The following HMCN1 variants were observed in gnomAD, a reference collection of about 807,000 sequenced individuals.
HMCN1 encodes hemicentin 1.
In HMCN1, 321 loss-of-function variants were observed where a neutral mutation model predicts 625.9. The observed-to-expected ratio is 0.51, with a 90% CI of 0.47 to 0.56. The LOEUF (loss-of-function observed/expected upper bound fraction) is 0.56, where lower values mean the gene tolerates loss of function less well. Ranked by LOEUF, HMCN1 falls within the 20% of genes least tolerant of loss-of-function variation. The probability of loss-of-function intolerance (pLI) is 0.00; values close to 1 mark genes in which losing one functional copy is unlikely to be tolerated. For synonymous variants in HMCN1, 2,425 were observed against 2,417.6 expected (o/e 1.00, Z -0.09); for missense variants, 6,588 against 6,887.3 (o/e 0.96, Z 1.54).
At chr1:185,793,259 A>G (rs1330086948) in intron 1 of HMCN1, among the ~76,000 whole-genome samples, 1 of 152,164 alleles carries the variant, frequency 6.6e-6, no homozygotes, top group East Asian at 1.9e-4. Context: ...AAAGTACCAA[A>G]AGGGATGCTT....
chr1:186,051,644 GA>G (rs1656959709), intron 42 of HMCN1, among the ~76,000 whole-genome samples: 1 of 152,068 alleles, frequency 6.6e-6, no homozygotes, highest in Admixed American at 6.6e-5. Flanking sequence ...GTGACAAACA[GA>G]GTAAACTGTA....
rs189365004 is a variant in HMCN1, at chr1:185,856,762, G to A, written c.340-7708G>A. The stretch of plus-strand genomic sequence containing the variant: ...TTCAATTTTTATTGCTTAGACTTAG[G>A]CATCTGGAAAACAACTGATATAAAA... On this transcript the variant is annotated intron_variant, in intron 2 of 106. Coordinates refer to ENST00000271588, the MANE Select transcript of HMCN1 (RefSeq NM_031935.3). Among the ~76,000 whole-genome samples the A allele has an allele frequency of 1.5e-4, 23 of 152,222 alleles. No homozygotes were observed. The East Asian group carries it at 2.5e-3, about 17-fold the overall frequency.
chr1:185,901,027 C>T (rs946170159), intron 4 of HMCN1, among the ~76,000 whole-genome samples: 1 of 151,888 alleles, frequency 6.6e-6, no homozygotes, highest in Non-Finnish European at 1.5e-5. Context: ...TCAACCAGCA[C>T]TTCTATTGGG....
intron 30 of HMCN1, among the ~76,000 whole-genome samples, chr1:186,014,537 T>C (rs1162101816): frequency 6.6e-6 from 1 of 151,954 alleles, no homozygotes; most frequent in East Asian, 1.9e-4. Flanking sequence ...GTGACTTGAG[T>C]TGTTTTCCTA....
chr1:186,045,511 A>G (rs1246157831), intron 40 of HMCN1, among the ~76,000 whole-genome samples, 177 bp from the exon 41 acceptor site: 2 of 152,198 alleles, frequency 1.3e-5, no homozygotes, highest in African/African-American at 2.4e-5. Flanking sequence ...ACGAGAATAC[A>G]TTAATTAGTG....
intron 6 of HMCN1, among the ~76,000 whole-genome samples, chr1:185,916,739 A>G (rs1666722834): frequency 1.3e-5 from 2 of 152,184 alleles, no homozygotes; most frequent in South Asian, 4.1e-4. Flanking sequence ...ATTTAGTGCT[A>G]GGAGGAATTC....
intron 4 of HMCN1, among the ~76,000 whole-genome samples, chr1:185,907,109 G>T (rs950587809): frequency 9.2e-5 from 14 of 151,680 alleles, no homozygotes; most frequent in African/African-American, 3.1e-4. Context: ...GATTTGATAA[G>T]CCGAGTGATC....
intron 71 of HMCN1, among the ~76,000 whole-genome samples, chr1:186,110,106 A>G (rs966519804): frequency 5.3e-5 from 8 of 152,222 alleles, no homozygotes; most frequent in Non-Finnish European, 1.2e-4. Context: ...GTATTTTCCA[A>G]GAAGAGATTG....
At chr1:185,789,218 G>A (rs536144450) in intron 1 of HMCN1, among the ~76,000 whole-genome samples, 10 of 152,306 alleles carry the variant, frequency 6.6e-5, no homozygotes, top group Non-Finnish European at 1.3e-4. Flanking sequence ...TGGCAGTTGG[G>A]TGAATGGATT....
intron 36 of HMCN1, among the ~76,000 whole-genome samples, chr1:186,024,036 G>T (rs764839810): frequency 6.6e-6 from 1 of 152,124 alleles, no homozygotes; most frequent in Non-Finnish European, 1.5e-5. Context: ...TGGTTAAAAA[G>T]ATTCAAATCA....
Position 185,994,849 on chromosome 1 carries a change from C to G in HMCN1, c.3540C>G (p.Leu1180=). The G allele has an allele frequency of 6.2e-7, 1 of 1,613,638 alleles. No individual in the cohort carries two copies. The highest frequency in any genetic ancestry group is 8.5e-7 in the Non-Finnish European group (1 of 1,179,654). Residue 1180 remains leucine, a synonymous_variant, in exon 24 of 107, where the codon CTC becomes CTG. Transcript: ENST00000271588. ...AGATACAGCGTGGACCTAAACATCT[C>G]AAAGTCCAAGTTGGTCAAAGAGTGG... ...PPKIQRGPKH[L]KVQVGQRVDI... is the part of the protein sequence containing the mutation.
chr1:186,024,511 G>A (rs1654932652), intron 36 of HMCN1, among the ~76,000 whole-genome samples: 1 of 152,132 alleles, frequency 6.6e-6, no homozygotes, highest in Admixed American at 6.6e-5. Context: ...TACTGGCTAA[G>A]AGGAAACAGT....
chr1:185,857,376 G>A (rs531662453), intron 2 of HMCN1, among the ~76,000 whole-genome samples: 32 of 152,170 alleles, frequency 2.1e-4, no homozygotes, highest in African/African-American at 7.7e-4. Context: ...TAAAAGCACA[G>A]GTTAACAAAC....
chr1:185,976,514 C>T (rs1039610998), intron 15 of HMCN1, among the ~76,000 whole-genome samples: 5 of 152,100 alleles, frequency 3.3e-5, no homozygotes, highest in African/African-American at 1.2e-4. Context: ...ATTTATGAGC[C>T]TGCTAACTAG....
At chr1:186,176,913 A>T (rs1429390028) in intron 103 of HMCN1, 5 of 152,890 alleles carry the variant, frequency 3.3e-5, no homozygotes, top group Non-Finnish European at 5.8e-5. Flanking sequence ...TCACGCCTGT[A>T]ATCCCAGCAC....
At chr1:185,891,902 C>A (rs139026516) in intron 4 of HMCN1, among the ~76,000 whole-genome samples, 2 of 143,200 alleles carry the variant, frequency 1.4e-5, no homozygotes, top group Non-Finnish European at 2.9e-5. Flanking sequence ...ACCCTGCAGA[C>A]TGTTTTCCAA....
chr1:185,949,433 A>C (rs996410136), intron 11 of HMCN1, among the ~76,000 whole-genome samples: 1 of 151,882 alleles, frequency 6.6e-6, no homozygotes, highest in African/African-American at 2.4e-5. Flanking sequence ...AATTCTGAGA[A>C]GGGAAAGTGG....
chr1:185,952,744 TAGA>T (rs1649300884), intron 11 of HMCN1, among the ~76,000 whole-genome samples: 1 of 151,210 alleles, frequency 6.6e-6, no homozygotes, highest in Non-Finnish European at 1.5e-5. Context: ...TAGGCTAAGG[TAGA>T]AGAAGGAGGA....
chr1:185,890,758 G>A (rs1426045520), intron 4 of HMCN1, among the ~76,000 whole-genome samples: 45 of 75,844 alleles, frequency 5.9e-4, no homozygotes, highest in African/African-American at 2.1e-4. Context: ...GAATAGGTGT[G>A]GTGTGGTGCT....
Sources: gnomAD v4.1 joint callset for allele counts (sites outside exome capture counted in the v4.1 genomes callset) on GRCh38, gnomAD v4.1.1 for gene constraint, MANE v1.5 for transcripts, NCBI Gene and HGNC (gene_info 2026-07-23, HGNC 2026-07-21) for gene names.